The following GALNT2 variants were observed in gnomAD, a reference collection of about 807,000 sequenced individuals.
GALNT2 encodes the protein polypeptide N-acetylgalactosaminyltransferase 2, also known as UDP-GalNAc:polypeptide N-acetylgalactosaminyltransferase 2.
In GALNT2, 31 loss-of-function variants were observed where a neutral mutation model predicts 81.4. That is an observed-to-expected ratio of 0.38 (90% confidence interval 0.29 to 0.51). The LOEUF is 0.51. GALNT2 is among the 20% of genes least tolerant of loss of function. The probability of loss-of-function intolerance (pLI) is 0.87; values close to 1 mark genes in which losing one functional copy is unlikely to be tolerated. For synonymous variants in GALNT2, 303 were observed against 287.4 expected (o/e 1.05, Z -0.55); for missense variants, 629 against 765.7 (o/e 0.82, Z 2.11).
intron 3 of GALNT2, among the ~76,000 whole-genome samples, chr1:230,204,174 T>C (rs943117662): frequency 6.8e-6 from 1 of 147,918 alleles, no homozygotes; most frequent in Non-Finnish European, 1.5e-5. Context: ...TTTTCTTTTT[T>C]TTTTTGGAGA....
chr1:230,274,351 G>C, intron 14 of GALNT2, 94 bp from the exon 15 acceptor site: 1 of 1,502,048 alleles, frequency 6.7e-7, no homozygotes, highest in Non-Finnish European at 9.0e-7. Context: ...TCCACCCCGT[G>C]ACCCATTTCC....
At chr1:230,115,566 C>G (rs1018430443) in intron 1 of GALNT2, among the ~76,000 whole-genome samples, 2 of 152,140 alleles carry the variant, frequency 1.3e-5, no homozygotes, top group Admixed American at 1.3e-4. Context: ...TTTAGCAAGT[C>G]GAGTCATAGT....
In GALNT2 at chr1:230,161,445, C is replaced by T. The variant is rs1271028417; in HGVS notation, c.127-16773C>T. 5.3e-5 allele frequency among the ~76,000 whole-genome samples: 8 copies of T among 152,198 alleles called. No homozygotes were observed. In the South Asian group the frequency reaches 1.0e-3, roughly 20 times the overall value. ...AAATCACATGGCCTAGTCCAGAGGCCGACTCCAGCTGTCTGTGCAGACGTG... is the reference window on the plus strand; with the variant it reads ...AAATCACATGGCCTAGTCCAGAGGCTGACTCCAGCTGTCTGTGCAGACGTG... On this transcript the variant is annotated intron_variant, in intron 1 of 15. Coordinates refer to ENST00000366672, the MANE Select transcript of GALNT2 (RefSeq NM_004481.5).
At chr1:230,177,341 C>T (rs186456562) in intron 1 of GALNT2, among the ~76,000 whole-genome samples, 16 of 152,350 alleles carry the variant, frequency 1.1e-4, no homozygotes, top group African/African-American at 1.4e-4. Context: ...GTTGCGTATC[C>T]GCCTAATCGC....
chr1:230,249,028 C>A lies in GALNT2; in HGVS notation c.818-156C>A, dbSNP rs561462479. Reference sequence around the variant, plus strand: ...TTCAGCTACACCCACGCCCCCAGTCCCCTTCTCTCTCCTCCACACCTTCTT... The same window carrying A: ...TTCAGCTACACCCACGCCCCCAGTCACCTTCTCTCTCCTCCACACCTTCTT... On this transcript the variant is annotated intron_variant, in intron 8 of 15. Transcript: ENST00000366672. Among the ~76,000 whole-genome samples the A allele has an allele frequency of 5.3e-5, 8 of 152,304 alleles. No homozygotes were observed. In the East Asian group the frequency reaches 1.2e-3, roughly 22 times the overall value.
intron 2 of GALNT2, among the ~76,000 whole-genome samples, chr1:230,201,760 G>A (rs1663899018): frequency 6.6e-6 from 1 of 152,118 alleles, no homozygotes; most frequent in African/African-American, 2.4e-5. Context: ...GTTCCTGAAT[G>A]GGCATGCTCA....
At chr1:230,097,084 A>G (rs1194914627) in intron 1 of GALNT2, among the ~76,000 whole-genome samples, 1 of 152,200 alleles carries the variant, frequency 6.6e-6, no homozygotes, top group Non-Finnish European at 1.5e-5. Context: ...TTCAGAATTC[A>G]GGCCCAGTAT....
chr1:230,267,403 T>C (rs558362953), intron 14 of GALNT2, among the ~76,000 whole-genome samples: 8 of 152,330 alleles, frequency 5.3e-5, no homozygotes, highest in Non-Finnish European at 1.2e-4. Context: ...CCTCCTGTTA[T>C]TCCGGCTGCC....
chr1:230,117,223 A>G (rs1660873699), intron 1 of GALNT2, among the ~76,000 whole-genome samples: 1 of 152,196 alleles, frequency 6.6e-6, no homozygotes, highest in Non-Finnish European at 1.5e-5. Flanking sequence ...CATAGAATTG[A>G]GGAGAGTAAG....
rs201310523 is a variant in GALNT2 at position 230,207,571 on chromosome 1, TAGAA to T, written c.374+4285_374+4288del. Among the ~76,000 whole-genome samples the T allele has an allele frequency of 1.9e-3, 288 of 152,314 alleles. 4 individuals are homozygous for T. In the East Asian group the frequency reaches 0.02, roughly 11 times the overall value. On this transcript the variant is annotated intron_variant, in intron 3 of 15. Transcript: ENST00000366672. ...AGATATATTAGGTCCTCTTAGATAT[TAGAA>T]AGATGATAGCCCATCTTATTTTTTT... is the stretch of plus-strand genomic sequence containing the variant.
At chr1:230,217,972 G>T (rs141446883) in intron 3 of GALNT2, among the ~76,000 whole-genome samples, 1 of 152,224 alleles carries the variant, frequency 6.6e-6, no homozygotes, top group African/African-American at 2.4e-5. Context: ...GCCATTGTAG[G>T]TTTGGGAGCA....
At position 230,263,019 on chromosome 1, in the gene GALNT2, G is replaced by A; in HGVS notation, c.1313+14G>A. 6.2e-7 allele frequency: 1 copy of A among 1,604,194 alleles called. No homozygotes were observed. The highest frequency in any genetic ancestry group is 8.5e-7 in the Non-Finnish European group (1 of 1,171,072). On this transcript the variant is annotated intron_variant, in intron 13 of 15. Transcript: ENST00000366672. Reference sequence around the variant, plus strand: ...TCCAGAGTTAAGGTAAGTCCCCAGGGATCTGGGGTTTCACTTTGTAAGGGC... The same window carrying A: ...TCCAGAGTTAAGGTAAGTCCCCAGGAATCTGGGGTTTCACTTTGTAAGGGC...
intron 8 of GALNT2, among the ~76,000 whole-genome samples, chr1:230,248,267 G>A (rs929757649): frequency 6.6e-6 from 1 of 152,234 alleles, no homozygotes; most frequent in Non-Finnish European, 1.5e-5. Context: ...CATTGCAAAA[G>A]CCCTGTTGAC....
rs59410758 is a variant in GALNT2 at position 230,128,257 on chromosome 1, A to ATGTGTGTGTGTGTGTGTGTGTGTG, written c.127-49941_127-49940insTGTGTGTGTGTGTGTGTGTGTGTG. On this transcript the variant is annotated intron_variant, in intron 1 of 15. Transcript: ENST00000366672. ...CTTCTAAATGCAAGTGCGCTGGAGA[A>ATGTGTGTGTGTGTGTGTGTGTGTG]TGTGTGTGTGTGTGTGTGTGGTTAT... Among the ~76,000 whole-genome samples, 182 of 149,866 alleles carry ATGTGTGTGTGTGTGTGTGTGTGTG rather than the reference A, an allele frequency of 1.2e-3. 3 individuals carry two copies. The highest frequency in any genetic ancestry group is 0.011 in the South Asian group (53 of 4,692).
chr1:230,137,170 G>A (rs1344007857), intron 1 of GALNT2, among the ~76,000 whole-genome samples: 1 of 152,220 alleles, frequency 6.6e-6, no homozygotes, highest in Non-Finnish European at 1.5e-5. Context: ...GCCAAATAGT[G>A]CTTTTCACTG....
upstream of GALNT2, among the ~76,000 whole-genome samples, chr1:230,063,284 C>G (rs1352504646): frequency 6.6e-6 from 1 of 150,440 alleles, no homozygotes; most frequent in Non-Finnish European, 1.5e-5. Flanking sequence ...GCACTTTAGC[C>G]TCGGCGACAG....
intron 1 of GALNT2, among the ~76,000 whole-genome samples, chr1:230,172,350 C>T (rs1384648055): frequency 6.6e-6 from 1 of 152,194 alleles, no homozygotes; most frequent in Admixed American, 6.5e-5. Context: ...GAAGCAGACC[C>T]CAGCCCTAGG....
intron 1 of GALNT2, among the ~76,000 whole-genome samples, chr1:230,123,623 C>A (rs1475120995): frequency 1.3e-5 from 2 of 152,130 alleles, no homozygotes; most frequent in Admixed American, 1.3e-4. Context: ...TTGGTATTGT[C>A]TTGCTTGAGC....
chr1:230,265,566 C>T lies in GALNT2; in HGVS notation c.1440+199C>T, dbSNP rs1666011425. Among the ~76,000 whole-genome samples the T allele has an allele frequency of 2.0e-5, 3 of 152,224 alleles. No homozygotes were observed. The South Asian group carries it at 6.2e-4, about 32-fold the overall frequency. Reference sequence around the variant, plus strand: ...TAGAATGTCACACACTTTGGTGCATCAGCTCTGTCATCAGCTTCGGACCAG... The same window carrying T: ...TAGAATGTCACACACTTTGGTGCATTAGCTCTGTCATCAGCTTCGGACCAG... On this transcript the variant is annotated intron_variant, in intron 14 of 15. Transcript: ENST00000366672.
Sources: allele counts gnomAD v4.1 joint callset (sites outside exome capture counted in the v4.1 genomes callset), GRCh38; gene constraint gnomAD v4.1.1; transcripts MANE v1.5; gene names NCBI Gene and HGNC (gene_info 2026-07-23, HGNC 2026-07-21).